FSD1: variants seen among roughly 807,000 people sequenced by gnomAD.
FSD1 encodes fibronectin type III and SPRY domain containing 1, also known as fibronectin type III and SPRY domain-containing protein 1.
Under a neutral mutation model 58.2 loss-of-function variants are expected in FSD1, and 23 were observed. That is an observed-to-expected ratio of 0.40 (90% CI 0.28 to 0.56). The LOEUF (loss-of-function observed/expected upper bound fraction) is 0.56. FSD1 is among the 20% of genes least tolerant of loss of function. The probability of loss-of-function intolerance (pLI) is 0.54; values close to 1 mark genes in which losing one functional copy is unlikely to be tolerated. For missense variants in FSD1, 563 were observed against 670.8 expected (o/e 0.84, Z 1.78); for synonymous variants, 265 against 263.4 (o/e 1.01, Z -0.06).
chr19:4,305,849 T>C (rs1161288168), intron 1 of FSD1, 97 bp from the exon 2 acceptor site: 8 of 853,404 alleles, frequency 9.4e-6, no homozygotes, highest in East Asian at 7.3e-5. Context: ...CGTGTGTGCA[T>C]GTGTGTGCAC....
chr19:4,308,107 C>T, intron 4 of FSD1, 124 bp downstream of exon 4: 2 of 691,604 alleles, frequency 2.9e-6, no homozygotes, highest in Non-Finnish European at 4.9e-6. Context: ...AAAGTACATA[C>T]TGATACCAAG....
intron 10 of FSD1, among the ~76,000 whole-genome samples, chr19:4,321,099 G>C (rs1456420835): frequency 6.7e-6 from 1 of 149,832 alleles, no homozygotes; most frequent in Non-Finnish European, 1.5e-5. Flanking sequence ...GGAGTATCTG[G>C]GGAAATAGCT....
chr19:4,305,253 C>T (rs1295777454), intron 1 of FSD1, among the ~76,000 whole-genome samples: 4 of 148,934 alleles, frequency 2.7e-5, no homozygotes, highest in Admixed American at 2.7e-4. Flanking sequence ...GCTTACCTGG[C>T]GCCCCCGCAT....
intron 7 of FSD1, among the ~76,000 whole-genome samples, chr19:4,315,285 C>T (rs1971741104): frequency 6.6e-6 from 1 of 151,272 alleles, no homozygotes; most frequent in South Asian, 2.1e-4. Context: ...TAGGCATGCG[C>T]CCCAACGCCT....
chr19:4,316,500 C>T (rs1234433346), intron 7 of FSD1, among the ~76,000 whole-genome samples: 1 of 151,808 alleles, frequency 6.6e-6, no homozygotes, highest in Non-Finnish European at 1.5e-5. Context: ...ACATTACAGG[C>T]GTAAGCCACC....
At chr19:4,310,346 A>C in intron 5 of FSD1, 51 bp downstream of exon 5, 1 of 1,609,832 alleles carries the variant, frequency 6.2e-7, no homozygotes. Flanking sequence ...CCTGGTGTGA[A>C]GACAGGGGCC....
intron 7 of FSD1, among the ~76,000 whole-genome samples, chr19:4,314,613 A>G (rs545496158): frequency 2.0e-5 from 3 of 151,216 alleles, no homozygotes; most frequent in Non-Finnish European, 4.4e-5. Context: ...CAGCCTCCCT[A>G]GTAACTGGGA....
intron 8 of FSD1, 28 bp downstream of exon 8, chr19:4,317,308 C>T: frequency 7.6e-7 from 1 of 1,315,946 alleles, no homozygotes; most frequent in Non-Finnish European, 1.1e-6. Flanking sequence ...TTGTCCTACC[C>T]CTAACTCCAT....
Position 4,304,705 on chromosome 19 carries a change from GCGGGGCCCGCGGGC to G in FSD1, c.-37_-24del. 8.2e-7 allele frequency: 1 copy of G among 1,217,996 alleles called. No individual in the cohort carries two copies. Among genetic ancestry groups the G allele is most frequent in the Non-Finnish European group, 1.0e-6 (1 of 975,624 alleles). 75.4% of individuals were successfully genotyped at this position (1,217,996 alleles called of 1,614,324 possible). Reference sequence around the variant, plus strand: ...AAGGCAGCTTGGGGACCCAGCGTGCGCGGGGCCCGCGGGCCGGGCCGGGGTGACCTGGGCTGCAG... The same window carrying G: ...AAGGCAGCTTGGGGACCCAGCGTGCGCGGGCCGGGGTGACCTGGGCTGCAG... On this transcript the variant is annotated 5_prime_UTR_variant, in exon 1 of 13. Coordinates refer to ENST00000221856, the MANE Select transcript of FSD1 (RefSeq NM_024333.3).
At chr19:4,319,203 G>A (rs1277179965) in intron 10 of FSD1, among the ~76,000 whole-genome samples, 1 of 152,234 alleles carries the variant, frequency 6.6e-6, no homozygotes, top group Non-Finnish European at 1.5e-5. Flanking sequence ...GAGCTTGGGG[G>A]CAATTTTCTG....
At chr19:4,310,718 G>A (rs1348276934) in intron 6 of FSD1, 122 bp downstream of exon 6, 3 of 1,189,288 alleles carry the variant, frequency 2.5e-6, no homozygotes, top group African/African-American at 3.0e-5. Context: ...CCTGGGGGAG[G>A]TGGAGCTCTG....
chr19:4,317,112 C>G (rs1971763380), intron 7 of FSD1, 70 bp from the exon 8 acceptor site: 1 of 883,438 alleles, frequency 1.1e-6, no homozygotes, highest in Admixed American at 1.7e-5. Context: ...TGGGACATGA[C>G]AGCTTTAACC....
At chr19:4,315,792 A>G (rs1971749256) in intron 7 of FSD1, among the ~76,000 whole-genome samples, 1 of 151,458 alleles carries the variant, frequency 6.6e-6, no homozygotes, top group African/African-American at 2.4e-5. Flanking sequence ...TTGTGTTTTT[A>G]GTAGAGACGG....
Position 4,323,415 on chromosome 19 carries a change from G to C in FSD1, c.1359G>C (p.Gln453His), listed in dbSNP as rs1167689086. 1 of 1,613,750 alleles carries C rather than the reference G, an allele frequency of 6.2e-7. No homozygotes were observed. Among genetic ancestry groups the C allele is most frequent in the African/African-American group, 1.3e-5 (1 of 74,904 alleles). ...VLHTFKTRFT[Q>H]PLLPAFTVWC... is the part of the protein sequence containing the mutation. Reference sequence around the variant, plus strand: ...ACACTTTCAAGACCAGGTTCACACAGCCGCTGCTGCCTGCTTTCACGGTGA... The same window carrying C: ...ACACTTTCAAGACCAGGTTCACACACCCGCTGCTGCCTGCTTTCACGGTGA... Residue 453 changes from glutamine to histidine, a missense_variant, in exon 12 of 13, where the codon CAG (glutamine) becomes CAC (histidine). Coordinates refer to ENST00000221856, the MANE Select transcript of FSD1 (RefSeq NM_024333.3). The surrounding 1 kb of genome is among the most constrained non-coding windows in gnomAD (Gnocchi z 7.7).
chr19:4,309,643 CTCACGCCTG>C (rs1337977472), intron 4 of FSD1, among the ~76,000 whole-genome samples: 1 of 152,214 alleles, frequency 6.6e-6, no homozygotes, highest in Non-Finnish European at 1.5e-5. Flanking sequence ...GGCGCAGTGG[CTCACGCCTG>C]TAATCCCAGC....
rs144756712 is a variant in FSD1 at position 4,318,482 on chromosome 19, G to A, written c.936G>A (p.Ala312=). ...AGAAAGATGGCAAGGGGCGGACGGC[G>A]TCTCCCATCAACTCCCCAGCCAGGT... ...AREKDGKGRT[A]SPINSPARGT... The change falls in exon 9 of 13, where the codon GCG becomes GCA. Residue 312 remains alanine, a synonymous_variant. Transcript: ENST00000221856. 157 of 1,611,480 alleles carry A rather than the reference G, an allele frequency of 9.7e-5. No individual in the cohort carries two copies. In the Admixed American group the frequency reaches 2.0e-3, roughly 20 times the overall value.
chr19:4,307,884 C>T lies in FSD1; in HGVS notation c.246C>T (p.Asn82=). ...DRASRTYELQ[N]QLAACTRALE... Reference sequence around the variant, plus strand: ...CCTTTGGTGCCTGGTATCCACAGAACCAGCTGGCTGCCTGCACGCGGGCCC... The same window carrying T: ...CCTTTGGTGCCTGGTATCCACAGAATCAGCTGGCTGCCTGCACGCGGGCCC... The change falls in exon 4 of 13, where the codon AAC becomes AAT. Residue 82 remains asparagine, a splice_region_variant and synonymous_variant. Coordinates refer to ENST00000221856, the MANE Select transcript of FSD1 (RefSeq NM_024333.3). 6.2e-7 allele frequency: 1 copy of T among 1,612,774 alleles called. No individual in the cohort carries two copies. The highest frequency in any genetic ancestry group is 8.5e-7 in the Non-Finnish European group (1 of 1,179,438).
At chr19:4,321,571 G>A (rs917056438) in intron 10 of FSD1, among the ~76,000 whole-genome samples, 2 of 151,470 alleles carry the variant, frequency 1.3e-5, no homozygotes, top group Non-Finnish European at 2.9e-5. Flanking sequence ...CTGGATCCCC[G>A]AGGAGTATCT....
Position 4,322,966 on chromosome 19 carries a change from C to G in FSD1, c.1040-20C>G, listed in dbSNP as rs780491960. ...GTTCTATCCAGTTCCCCTGCCCACC[C>G]CTCCTGCCCTGCGCCACAGGGGACA... On this transcript the variant is annotated intron_variant, in intron 10 of 12. Coordinates refer to ENST00000221856, the MANE Select transcript of FSD1 (RefSeq NM_024333.3). 5 of 1,599,432 alleles carry G rather than the reference C, an allele frequency of 3.1e-6. No individual in the cohort carries two copies. The South Asian group carries it at 4.5e-5, about 14-fold the overall frequency.
Sources: allele counts gnomAD v4.1 joint callset (sites outside exome capture counted in the v4.1 genomes callset), GRCh38; gene constraint gnomAD v4.1.1; non-coding constraint Gnocchi (gnomAD v3.1); transcripts MANE v1.5; gene names NCBI Gene and HGNC (gene_info 2026-07-23, HGNC 2026-07-21).